ANO6: variants seen among roughly 807,000 people sequenced by gnomAD.
The protein encoded by ANO6 is anoctamin-6.
Under a neutral mutation model 117.5 loss-of-function variants are expected in ANO6, and 106 were observed. That is an observed-to-expected ratio of 0.90 (90% CI 0.77 to 1.06). The LOEUF is 1.06. Ranked by LOEUF, ANO6 falls within the 50% of genes least tolerant of loss-of-function variation. The pLI is 0.00. For synonymous variants in ANO6, 367 were observed against 385.1 expected (o/e 0.95, Z 0.55); for missense variants, 955 against 1,121.1 (o/e 0.85, Z 2.12).
chr12:45,366,115 G>GTTTTTTTTTTTTTT (rs5797942), intron 8 of ANO6, among the ~76,000 whole-genome samples: 3 of 134,662 alleles, frequency 2.2e-5, no homozygotes, highest in African/African-American at 2.8e-5. Flanking sequence ...TGTTACTTGG[G>GTTTTTTTTTTTTTT]TTTTTTTTTT....
intron 12 of ANO6, among the ~76,000 whole-genome samples, chr12:45,392,941 C>T (rs1165358044): frequency 1.3e-5 from 2 of 152,190 alleles, no homozygotes; most frequent in Admixed American, 1.3e-4. Context: ...CTCTTCCCCT[C>T]CAGAGGATCA....
In ANO6 at chr12:45,421,051, T is replaced by G; in HGVS notation, c.2218-20T>G. ...AAAAAACTATAACTTCATTTTCGCT[T>G]TGTTTTTCTCCCAAAATAGGCCATG... is the stretch of plus-strand genomic sequence containing the variant. On this transcript the variant is annotated intron_variant, in intron 17 of 19. Transcript: ENST00000320560. The G allele has an allele frequency of 6.2e-7, 1 of 1,612,888 alleles. No homozygotes were observed. The highest frequency in any genetic ancestry group is 8.5e-7 in the Non-Finnish European group (1 of 1,179,308).
chr12:45,277,585 A>T (rs1938594227), intron 1 of ANO6, among the ~76,000 whole-genome samples: 1 of 152,170 alleles, frequency 6.6e-6, no homozygotes, highest in African/African-American at 2.4e-5. Flanking sequence ...TTGATGGAGC[A>T]TATTTCTCAG....
chr12:45,391,149 A>G (rs898933630), intron 12 of ANO6, among the ~76,000 whole-genome samples: 5 of 152,118 alleles, frequency 3.3e-5, no homozygotes, highest in Non-Finnish European at 7.4e-5. Context: ...GTCTAGGAAT[A>G]CCCTTAACAA....
chr12:45,280,695 A>G (rs1938697631), intron 1 of ANO6, among the ~76,000 whole-genome samples: 1 of 152,090 alleles, frequency 6.6e-6, no homozygotes, highest in African/African-American at 2.4e-5. Context: ...AAACTGTTTC[A>G]AACTCTCACT....
chr12:45,295,336 G>A (rs1223074259), intron 1 of ANO6, among the ~76,000 whole-genome samples: 1 of 152,122 alleles, frequency 6.6e-6, no homozygotes, highest in African/African-American at 2.4e-5. Context: ...ACCAAAATAT[G>A]GCAAATCCTG....
intron 9 of ANO6, among the ~76,000 whole-genome samples, chr12:45,371,155 G>C (rs1325492335): frequency 6.6e-6 from 1 of 152,200 alleles, no homozygotes; most frequent in African/African-American, 2.4e-5. Flanking sequence ...TTTCTGACGG[G>C]CTTAAAAAAC....
chr12:45,362,960 A>G (rs904263278), intron 8 of ANO6, among the ~76,000 whole-genome samples: 1 of 152,094 alleles, frequency 6.6e-6, no homozygotes, highest in Non-Finnish European at 1.5e-5. Flanking sequence ...ACTACTTTTC[A>G]TATTTATATA....
At chr12:45,385,047 G>T (rs1180019016) in intron 10 of ANO6, among the ~76,000 whole-genome samples, 3 of 152,122 alleles carry the variant, frequency 2.0e-5, no homozygotes, top group Non-Finnish European at 2.9e-5. Flanking sequence ...GGTGGTGGGG[G>T]TCCTCCAGTT....
intron 1 of ANO6, among the ~76,000 whole-genome samples, chr12:45,301,447 A>G (rs375441051): frequency 6.8e-6 from 1 of 146,770 alleles, no homozygotes; most frequent in Non-Finnish European, 1.5e-5. Context: ...AGAAAAAAAA[A>G]TGTTTTTTAA....
At chr12:45,376,965 G>T (rs557614948) in intron 9 of ANO6, among the ~76,000 whole-genome samples, 1 of 151,974 alleles carries the variant, frequency 6.6e-6, no homozygotes, top group Non-Finnish European at 1.5e-5. Flanking sequence ...ACGATTGAGG[G>T]GGCCTTGAAA....
intron 1 of ANO6, among the ~76,000 whole-genome samples, chr12:45,275,279 C>T (rs758053172): frequency 5.3e-5 from 8 of 152,150 alleles, no homozygotes; most frequent in Non-Finnish European, 8.8e-5. Flanking sequence ...AGCGCCATCT[C>T]GGCTCACTGC....
chr12:45,298,045 T>C (rs1251124012), intron 1 of ANO6, among the ~76,000 whole-genome samples: 1 of 152,206 alleles, frequency 6.6e-6, no homozygotes, highest in African/African-American at 2.4e-5. Flanking sequence ...TTGAACCTGA[T>C]TTTGAACTGC....
At position 45,348,039 on chromosome 12, in the gene ANO6, C is replaced by T. The variant is rs776875380; in HGVS notation, c.357C>T (p.Asp119=). The T allele has an allele frequency of 1.2e-6, 2 of 1,613,726 alleles. No homozygotes were observed. Among genetic ancestry groups the T allele is most frequent in the African/African-American group, 1.3e-5 (1 of 74,972 alleles). ...QLEATRSVLD[D]KLVFVKVHAP... ...TTTTTCCAATATAGGTATTGGATGACAAGCTTGTATTTGTAAAAGTACACG... is the reference window on the plus strand; with the variant it reads ...TTTTTCCAATATAGGTATTGGATGATAAGCTTGTATTTGTAAAAGTACACG... The change falls in exon 5 of 20, where the codon GAC becomes GAT. Residue 119 remains aspartate, a synonymous_variant. Coordinates refer to ENST00000320560, the MANE Select transcript of ANO6 (RefSeq NM_001025356.3).
At chr12:45,218,373 T>A (rs1054005709) in intron 1 of ANO6, among the ~76,000 whole-genome samples, 1 of 151,230 alleles carries the variant, frequency 6.6e-6, no homozygotes, top group African/African-American at 2.4e-5. Flanking sequence ...GAATGTGATT[T>A]CTGTTTCTTT....
intron 1 of ANO6, among the ~76,000 whole-genome samples, chr12:45,267,854 G>A (rs1361772192): frequency 1.3e-5 from 2 of 152,058 alleles, no homozygotes; most frequent in African/African-American, 2.4e-5. Flanking sequence ...AGAAGAAACC[G>A]GAAATAGCCC....
intron 8 of ANO6, among the ~76,000 whole-genome samples, chr12:45,365,996 T>A (rs1395790360): frequency 1.3e-5 from 2 of 152,188 alleles, no homozygotes; most frequent in Non-Finnish European, 2.9e-5. Context: ...CCCATTCCTA[T>A]TTGTTTTTCC....
chr12:45,433,056 G>GGACTT (rs1381406836), downstream of ANO6, among the ~76,000 whole-genome samples: 1 of 152,176 alleles, frequency 6.6e-6, no homozygotes, highest in African/African-American at 2.4e-5. Context: ...AATATGACCA[G>GGACTT]GACTTGATGA....
chr12:45,421,162 A>C lies in ANO6; in HGVS notation c.2309A>C (p.Tyr770Ser), dbSNP rs746433875. Residue 770 changes from tyrosine (Y) to serine (S), a missense_variant, in exon 18 of 20, where the codon TAC becomes TCC. Coordinates refer to ENST00000320560, the MANE Select transcript of ANO6 (RefSeq NM_001025356.3). ...CCTCCCTACGGGGACCACACTTCCT[A>C]CACCATGGAAGGGTACATCAACAAC... Reference protein sequence around the residue: ...SVPPYGDHTSYTMEGYINNTL... With the variant: ...SVPPYGDHTSSTMEGYINNTL... 2 of 1,614,056 alleles carry C rather than the reference A, an allele frequency of 1.2e-6. No homozygotes were observed. Among genetic ancestry groups the C allele is most frequent in the South Asian group, 2.2e-5 (2 of 91,070 alleles).
Sources: allele counts gnomAD v4.1 joint callset (sites outside exome capture counted in the v4.1 genomes callset), GRCh38; gene constraint gnomAD v4.1.1; transcripts MANE v1.5; gene names NCBI Gene and HGNC (gene_info 2026-07-23, HGNC 2026-07-21).